C9orf72: variants seen among roughly 807,000 people sequenced by gnomAD.
C9orf72 encodes C9orf72-SMCR8 complex subunit, also known as guanine nucleotide exchange factor C9orf72.
A neutral mutation model predicts 51.6 loss-of-function variants in C9orf72; 44 were observed. The ratio of observed to expected loss-of-function variants is 0.85; its 90% confidence interval spans 0.67 to 1.10. C9orf72 has a LOEUF of 1.10. Ranked by LOEUF, C9orf72 falls within the 50% of genes least tolerant of loss-of-function variation. The pLI, the probability that C9orf72 is intolerant of heterozygous loss-of-function variation, is 0.00. For synonymous variants in C9orf72, 213 were observed against 194.2 expected, an observed-to-expected ratio of 1.10 and a Z score of -0.81; for missense variants, 607 against 570.6, an observed-to-expected ratio of 1.06 and a Z score of -0.65.
chr9:27,550,317 T>C (rs984804413), intron 9 of C9orf72, among the ~76,000 whole-genome samples: 2 of 151,776 alleles, frequency 1.3e-5, no homozygotes, highest in African/African-American at 4.8e-5. Flanking sequence ...AACCAGGAAT[T>C]CTATGTTTCA....
rs1349030463 is a variant in C9orf72 at position 27,548,201 on chromosome 9, T to G, written c.*35A>C. 1.2e-5 allele frequency: 19 copies of G among 1,524,784 alleles called. No individual in the cohort carries two copies. The highest frequency in any genetic ancestry group is 1.6e-5 in the Non-Finnish European group (18 of 1,114,580). The allele number at this position is 1,524,784 out of a possible 1,614,324, so 94.5% of individuals were successfully genotyped here. A position where few individuals can be genotyped will look rare whatever the true frequency, so the allele number is the denominator to read the frequency against. On this transcript the variant is annotated 3_prime_UTR_variant, in exon 11 of 11. Transcript: ENST00000380003. ...CACTGAGCTACTTTACCAGCGATCA[T>G]GATTGTGATGGAATAGGCTTATTAA...
At chr9:27,557,096 G>C (rs2131534544) in intron 7 of C9orf72, among the ~76,000 whole-genome samples, 1 of 152,230 alleles carries the variant, frequency 6.6e-6, no homozygotes, top group South Asian at 2.1e-4. Context: ...ATTCAAAGAG[G>C]CTTAGAATCT....
intron 8 of C9orf72, among the ~76,000 whole-genome samples, chr9:27,550,990 T>C (rs1411029043): frequency 1.3e-5 from 2 of 152,172 alleles, no homozygotes; most frequent in Admixed American, 6.5e-5. Flanking sequence ...AGGGTATGTA[T>C]GTATCTATCA....
intron 7 of C9orf72, among the ~76,000 whole-genome samples, chr9:27,557,204 G>C (rs1430223263): frequency 1.3e-5 from 2 of 152,064 alleles, no homozygotes; most frequent in African/African-American, 4.8e-5. Flanking sequence ...ACTAGAAAGA[G>C]ATATACCAAA....
chr9:27,565,754 A>G (rs1222223975), intron 2 of C9orf72, among the ~76,000 whole-genome samples, 164 bp from the exon 3 acceptor site: 1 of 152,182 alleles, frequency 6.6e-6, no homozygotes, highest in Non-Finnish European at 1.5e-5. Context: ...CAACAAATGC[A>G]TGTTCTCATA....
At chr9:27,549,934 G>A (rs564562475) in intron 9 of C9orf72, among the ~76,000 whole-genome samples, 1 of 151,508 alleles carries the variant, frequency 6.6e-6, no homozygotes, top group African/African-American at 2.4e-5. Flanking sequence ...AGAAAGACCA[G>A]ACACTACAAA....
In C9orf72 at chr9:27,558,605, T is replaced by C. The variant is rs747458864; in HGVS notation, c.741A>G (p.Ile247Met). 2.0e-6 allele frequency: 3 copies of C among 1,522,644 alleles called. No individual in the cohort carries two copies. The highest frequency in any genetic ancestry group is 2.4e-5 in the South Asian group (2 of 84,628). The allele number at this position is 1,522,644 out of a possible 1,614,324, so 94.3% of individuals were successfully genotyped here. A position where few individuals can be genotyped will look rare whatever the true frequency, so the allele number is the denominator to read the frequency against. Reference protein sequence around the residue: ...VGSSAEKVNKIVRTLCLFLTP... With the variant: ...VGSSAEKVNKMVRTLCLFLTP... ...TCAGAAAAAGGCATAATGTTCTGACTATCTATAAAAGAAAATATTTTAGCA... is the reference window on the plus strand; with the variant it reads ...TCAGAAAAAGGCATAATGTTCTGACCATCTATAAAAGAAAATATTTTAGCA... The change falls in exon 7 of 11, where the codon ATA (isoleucine) becomes ATG (methionine). Residue 247 changes from isoleucine (I) to methionine (M), a missense_variant and splice_region_variant. By Grantham distance (10) the Ile-to-Met change is conservative. Transcript: ENST00000380003.
At chr9:27,566,594 TA>T in intron 2 of C9orf72, 82 bp downstream of exon 2, 3 of 968,412 alleles carry the variant, frequency 3.1e-6, no homozygotes, top group South Asian at 1.7e-5. Context: ...TGCATATAAT[TA>T]AAAAAATAAG....
At chr9:27,549,875 A>G (rs970971027) in intron 9 of C9orf72, among the ~76,000 whole-genome samples, 2 of 151,736 alleles carry the variant, frequency 1.3e-5, no homozygotes, top group Admixed American at 6.6e-5. Flanking sequence ...GTTAATATAC[A>G]GGCTCTTCCC....
At position 27,562,366 on chromosome 9, in the gene C9orf72, C is replaced by G; in HGVS notation, c.600+15G>C. The G allele has an allele frequency of 7.1e-7, 1 of 1,402,130 alleles. No homozygotes were observed. Among genetic ancestry groups the G allele is most frequent in the Non-Finnish European group, 9.9e-7 (1 of 1,012,826 alleles). 86.9% of individuals were successfully genotyped at this position (1,402,130 alleles called of 1,614,324 possible). On this transcript the variant is annotated intron_variant, in intron 4 of 10. Transcript: ENST00000380003. ...AAAACTCATAAAGTGTATAATTGCT[C>G]TCATTTAAACTTACATCTATTTCTT...
At chr9:27,561,514 C>A in intron 5 of C9orf72, 71 bp downstream of exon 5, 3 of 1,585,188 alleles carry the variant, frequency 1.9e-6, no homozygotes, top group African/African-American at 1.4e-5. Context: ...TTCTTTCTTC[C>A]AAATCTTGTC....
chr9:27,555,548 T>C (rs1587305159), intron 8 of C9orf72, among the ~76,000 whole-genome samples: 1 of 145,286 alleles, frequency 6.9e-6, no homozygotes, highest in East Asian at 2.1e-4. Context: ...TGCCAGGCAT[T>C]ATTGCAAGCA....
intron 5 of C9orf72, 45 bp from the exon 6 acceptor site, chr9:27,560,344 A>C (rs1449161196): frequency 1.4e-6 from 2 of 1,481,014 alleles, no homozygotes; most frequent in Admixed American, 4.3e-5. Flanking sequence ...CTATAAAACA[A>C]TTTAACAAAC....
At position 27,558,798 on chromosome 9, in the gene C9orf72, T is replaced by C. The variant is rs10115573; in HGVS notation, c.739-191A>G. ...AATAGGGATTCTGTGGTCAAATAAA[T>C]TTAGAAAATGCTTGGTAAATTTACT... is the stretch of plus-strand genomic sequence containing the variant. On this transcript the variant is annotated intron_variant, in intron 6 of 10. Transcript: ENST00000380003. 9.3e-3 allele frequency: 4,331 copies of C among 464,458 alleles called. 156 individuals carry two copies. Among genetic ancestry groups the C allele is most frequent in the African/African-American group, 0.079 (3,871 of 49,284 alleles). 28.8% of individuals were successfully genotyped at this position (464,458 alleles called of 1,614,324 possible).
intron 3 of C9orf72, among the ~76,000 whole-genome samples, chr9:27,564,318 C>T (rs1481086366): frequency 6.6e-6 from 1 of 152,114 alleles, no homozygotes; most frequent in African/African-American, 2.4e-5. Flanking sequence ...GACCAAAATT[C>T]ATTAATAGTA....
chr9:27,569,190 T>C (rs10812619), intron 1 of C9orf72, among the ~76,000 whole-genome samples: 60,024 of 152,074 alleles, frequency 0.39, 13,957 homozygotes, highest in East Asian at 0.68. Context: ...TCAAGCTAAG[T>C]ATTTTAAAAG....
At chr9:27,573,228 G>GCCC (rs1194384250) in intron 1 of C9orf72, among the ~76,000 whole-genome samples, 1 of 152,100 alleles carries the variant, frequency 6.6e-6, no homozygotes, top group African/African-American at 2.4e-5. Flanking sequence ...CGCCGCCGCC[G>GCCC]CCGCCGGGAA....
intron 3 of C9orf72, among the ~76,000 whole-genome samples, chr9:27,562,882 G>T (rs577257075): frequency 1.3e-5 from 2 of 152,010 alleles, no homozygotes; most frequent in African/African-American, 4.8e-5. Context: ...TGTTGGCCAG[G>T]TTGGTGTCAA....
intron 7 of C9orf72, among the ~76,000 whole-genome samples, chr9:27,557,624 CAA>C (rs1819237126): frequency 6.6e-6 from 1 of 151,950 alleles, no homozygotes; most frequent in Non-Finnish European, 1.5e-5. Flanking sequence ...GCTGAGGAAA[CAA>C]AAGTATTAAG....
Sources: allele counts gnomAD v4.1 joint callset (sites outside exome capture counted in the v4.1 genomes callset), GRCh38; gene constraint gnomAD v4.1.1; transcripts MANE v1.5; gene names NCBI Gene and HGNC (gene_info 2026-07-23, HGNC 2026-07-21).